NBPF20: variants seen among roughly 807,000 people sequenced by gnomAD.
NBPF20 encodes the protein NBPF member 20.
NBPF20 carries 90 observed loss-of-function variants against 68.1 expected under a neutral mutation model. That is an observed-to-expected ratio of 1.32 (90% CI 1.11 to 1.58). The LOEUF (loss-of-function observed/expected upper bound fraction) is 1.58, where lower values mean the gene tolerates loss of function less well. Among genes scored for constraint, NBPF20 ranks in the 40% most tolerant of loss-of-function variants. NBPF20 has a pLI of 0.00. For synonymous variants in NBPF20, 290 were observed against 228.1 expected (o/e 1.27, Z -2.45); for missense variants, 816 against 601.2 (o/e 1.36, Z -3.74).
chr1:145,421,911 G>T, the NBPF20 span, among the ~76,000 whole-genome samples: 3 of 152,006 alleles, frequency 2.0e-5, no homozygotes, highest in African/African-American at 7.2e-5. Context: ...AGTGGTGCAT[G>T]CCTGTAGACC....
chr1:145,292,604 A>G (rs587671428), intron 136 of NBPF20, 115 bp from the exon 142 acceptor site: 2 of 747,318 alleles, frequency 2.7e-6, no homozygotes, highest in Non-Finnish European at 4.8e-6. Context: ...AGAATAGGAC[A>G]CTTTGAGAGA....
At chr1:145,398,142 A>C in intron 7 of NBPF20, among the ~76,000 whole-genome samples, 1 of 152,072 alleles carries the variant, frequency 6.6e-6, no homozygotes, top group Non-Finnish European at 1.5e-5. Context: ...GGAGACTTTA[A>C]CACCCCACTG....
chr1:145,419,910 C>T, the NBPF20 span, among the ~76,000 whole-genome samples: 4 of 152,118 alleles, frequency 2.6e-5, no homozygotes, highest in African/African-American at 7.2e-5. Context: ...CTAAGTCCTA[C>T]AGGATTCTGG....
At position 145,292,156 on chromosome 1, in the gene NBPF20, G is replaced by C. The variant is rs1248767323; in HGVS notation, c.16697+225C>G. Among the ~76,000 whole-genome samples the C allele has an allele frequency of 2.0e-5, 3 of 149,916 alleles. No individual in the cohort carries two copies. The East Asian group carries it at 5.8e-4, about 29-fold the overall frequency. ...TCAAAATTCGATGCAGTGGCCATGAGAGTACAGCTTTTGAAGTATGGTCAA... is the reference window on the plus strand; with the variant it reads ...TCAAAATTCGATGCAGTGGCCATGACAGTACAGCTTTTGAAGTATGGTCAA... On this transcript the variant is annotated intron_variant, in intron 137 of 137. Coordinates refer to ENST00000369373, the Ensembl canonical transcript of NBPF20.
At chr1:145,424,372 T>A in the NBPF20 span, among the ~76,000 whole-genome samples, 2 of 152,164 alleles carry the variant, frequency 1.3e-5, no homozygotes, top group Non-Finnish European at 2.9e-5. Context: ...AAAGCTAGCA[T>A]TTCACAATAG....
rs1553663008 is a variant in NBPF20 at position 145,393,917 on chromosome 1, A to C, written c.1010T>G (p.Val337Gly). ...TGTTGCCTCTTGGTCCTCCTTTTTC[A>C]CTTGATCCCACCGATGTCCTGCAAA... is the stretch of plus-strand genomic sequence containing the variant. The change falls in exon 9 of 138, where the codon GTG (valine) becomes GGG (glycine). Residue 337 changes from valine (V) to glycine (G), a missense_variant. By Grantham distance (109) the Val-to-Gly change is moderately radical (BLOSUM62 -3). Coordinates refer to ENST00000369373, the Ensembl canonical transcript of NBPF20. The C allele has an allele frequency of 2.0e-5, 29 of 1,454,478 alleles. No individual in the cohort carries two copies. In the South Asian group the frequency reaches 3.0e-4, roughly 15 times the overall value. The allele number at this position is 1,454,478 out of a possible 1,614,324, so 90.1% of individuals were successfully genotyped here. A position where few individuals can be genotyped will look rare whatever the true frequency, so the allele number is the denominator to read the frequency against.
exon 138 of NBPF20, chr1:145,291,490 T>C (rs1341101727): frequency 3.1e-6 from 5 of 1,611,914 alleles, no homozygotes; most frequent in African/African-American, 1.3e-5. Context: ...AGGTCCTGCC[T>C]GCAGGAATGA....
At chr1:145,394,231 G>A (rs1662100827) in intron 8 of NBPF20, among the ~76,000 whole-genome samples, 1 of 151,774 alleles carries the variant, frequency 6.6e-6, no homozygotes, top group Non-Finnish European at 1.5e-5. Context: ...TAGGCAAATA[G>A]TTCTAACACC....
upstream of NBPF20, chr1:145,405,778 T>C (rs1553667141): frequency 2.7e-6 from 1 of 369,916 alleles, no homozygotes; most frequent in East Asian, 4.9e-5. Flanking sequence ...CATCTAAGCA[T>C]ATTCCTCACT....
the NBPF20 span, among the ~76,000 whole-genome samples, chr1:145,412,584 T>C: frequency 1.3e-5 from 2 of 151,732 alleles, no homozygotes; most frequent in African/African-American, 4.8e-5. Flanking sequence ...ATCTAAAGAA[T>C]GTTTAGAAAA....
At chr1:145,399,769 T>A in intron 6 of NBPF20, among the ~76,000 whole-genome samples, 2 of 101,450 alleles carry the variant, frequency 2.0e-5, no homozygotes, top group Admixed American at 1.2e-4. Context: ...AGAGCAAGAC[T>A]CCATCACAAA....
At chr1:145,398,749 A>G (rs1662376400) in intron 7 of NBPF20, among the ~76,000 whole-genome samples, 69 of 152,000 alleles carry the variant, frequency 4.5e-4, no homozygotes, top group Non-Finnish European at 1.5e-5. Context: ...AAGGAGATAG[A>G]GACACAAAAA....
intron 5 of NBPF20, 124 bp downstream of exon 10, chr1:145,400,935 T>C: frequency 8.3e-7 from 1 of 1,200,866 alleles, no homozygotes; most frequent in Non-Finnish European, 1.2e-6. Flanking sequence ...CTGGGTTATA[T>C]TTCACATACT....
chr1:145,292,437 C>G, exon 137 of NBPF20: 1 of 706,412 alleles, frequency 1.4e-6, no homozygotes, highest in Non-Finnish European at 2.5e-6. Flanking sequence ...TTCTTCTTTT[C>G]TTCTTTGATC....
chr1:145,396,517 C>G (rs1466906145), intron 7 of NBPF20, among the ~76,000 whole-genome samples: 1 of 150,922 alleles, frequency 6.6e-6, no homozygotes, highest in African/African-American at 2.4e-5. Flanking sequence ...TAAAGATACT[C>G]CTCGAGAAGA....
intron 7 of NBPF20, among the ~76,000 whole-genome samples, chr1:145,398,051 A>C (rs1488384313): frequency 1.3e-5 from 2 of 152,214 alleles, no homozygotes; most frequent in Admixed American, 6.5e-5. Flanking sequence ...ACATATATGC[A>C]CCGTATACAG....
intron 29 of NBPF20, 101 bp downstream of exon 34, chr1:145,377,942 C>T (rs1221562516): frequency 5.0e-6 from 2 of 402,398 alleles, no homozygotes; most frequent in Non-Finnish European, 8.6e-6. Context: ...GTAATTCAAC[C>T]TTCGTTGAAA....
At chr1:145,394,076 G>A (rs1662090855) in intron 8 of NBPF20, 141 bp from the exon 14 acceptor site, 5 of 661,294 alleles carry the variant, frequency 7.6e-6, no homozygotes, top group South Asian at 3.5e-5. Flanking sequence ...TATTCCAGTA[G>A]GCCTGAGGTC....
At chr1:145,335,171 C>G in intron 83 of NBPF20, 71 bp downstream of exon 88, 1 of 280,842 alleles carries the variant, frequency 3.6e-6, no homozygotes, top group South Asian at 2.6e-5. Flanking sequence ...TGAACACACT[C>G]TTGTTTTCCC....
Sources: allele counts gnomAD v4.1 joint callset (sites outside exome capture counted in the v4.1 genomes callset), GRCh38; gene constraint gnomAD v4.1.1; transcripts MANE v1.5; gene names NCBI Gene and HGNC (gene_info 2026-07-23, HGNC 2026-07-21).